SPAG11B: variants seen among roughly 807,000 people sequenced by gnomAD.
The protein encoded by SPAG11B is sperm-associated antigen 11B.
A neutral mutation model predicts 8.9 loss-of-function variants in SPAG11B; 5 were observed. The observed-to-expected ratio is 0.56, with a 90% CI of 0.29 to 1.19. The LOEUF is 1.19. SPAG11B is among the 50% of genes most tolerant of loss of function. The probability of loss-of-function intolerance (pLI) is 0.08; values close to 1 mark genes in which losing one functional copy is unlikely to be tolerated. For synonymous variants in SPAG11B, 12 were observed against 53.0 expected (o/e 0.23, Z 3.36); for missense variants, 38 against 146.4 (o/e 0.26, Z 3.82).
chr8:7,453,690 T>A (rs377382495), intron 2 of SPAG11B, among the ~76,000 whole-genome samples: 1 of 149,686 alleles, frequency 6.7e-6, no homozygotes, highest in East Asian at 2.0e-4. Flanking sequence ...CATCAAGCAG[T>A]GGTCTTGGAC....
chr8:7,451,845 A>T (rs1485456671), intron 2 of SPAG11B, among the ~76,000 whole-genome samples: 1 of 151,584 alleles, frequency 6.6e-6, no homozygotes, highest in African/African-American at 2.4e-5. Flanking sequence ...AAGTTTGAAG[A>T]CCTACTATGA....
intron 2 of SPAG11B, among the ~76,000 whole-genome samples, chr8:7,459,468 G>C (rs867559247): frequency 6.8e-6 from 1 of 147,422 alleles, no homozygotes; most frequent in Non-Finnish European, 1.5e-5. Context: ...CTAATTGAAA[G>C]ACTACTACAC....
chr8:7,449,529 A>G (rs1809996534), downstream of SPAG11B, among the ~76,000 whole-genome samples: 1 of 150,206 alleles, frequency 6.7e-6, no homozygotes, highest in Non-Finnish European at 1.5e-5. Context: ...CTCTAGAGGC[A>G]TGACAGAGAG....
chr8:7,459,754 TGGTGG>T (rs1810670827), intron 2 of SPAG11B, among the ~76,000 whole-genome samples: 1 of 126,178 alleles, frequency 7.9e-6, no homozygotes, highest in East Asian at 3.1e-4. Context: ...ACCAAAGAGA[TGGTGG>T]GACACAGATT....
downstream of SPAG11B, chr8:7,448,019 C>G (rs1314909890): frequency 9.0e-7 from 1 of 1,115,140 alleles, no homozygotes; most frequent in African/African-American, 2.2e-5. Flanking sequence ...CTCTCCTTAT[C>G]CACAGCGTTG....
chr8:7,451,412 C>G (rs1206758051), intron 2 of SPAG11B, among the ~76,000 whole-genome samples: 1 of 128,702 alleles, frequency 7.8e-6, no homozygotes, highest in Non-Finnish European at 1.6e-5. Context: ...ATTTTTATAA[C>G]AACAGGACAT....
chr8:7,453,556 C>A (rs1810318183), intron 2 of SPAG11B, among the ~76,000 whole-genome samples: 2 of 149,012 alleles, frequency 1.3e-5, no homozygotes, highest in South Asian at 2.1e-4. Context: ...GCTTGCAGAG[C>A]CTTGTTATTC....
intron 2 of SPAG11B, among the ~76,000 whole-genome samples, chr8:7,452,984 C>T (rs1810271677): frequency 6.8e-6 from 1 of 147,780 alleles, no homozygotes; most frequent in Non-Finnish European, 1.5e-5. Flanking sequence ...CAACGTACCA[C>T]ATTATTCCAA....
chr8:7,451,103 G>A lies in SPAG11B; in HGVS notation c.215-203C>T, dbSNP rs751118390. 7.1e-6 allele frequency: 11 copies of A among 1,540,114 alleles called. 1 individual carries two copies. Among genetic ancestry groups the A allele is most frequent in the African/African-American group, 1.5e-5 (1 of 67,398 alleles). ...GAAATGTTGCCAGGAGGATGATAGG[G>A]TGTGTTTTATGAATGCTCACCTGGC... On this transcript the variant is annotated intron_variant, in intron 2 of 2. Coordinates refer to ENST00000398462, the MANE Select transcript of SPAG11B (RefSeq NM_058201.4).
chr8:7,451,889 A>T (rs1274721869), intron 2 of SPAG11B, among the ~76,000 whole-genome samples: 6 of 148,242 alleles, frequency 4.0e-5, no homozygotes, highest in Admixed American at 2.0e-4. Context: ...GTAAATTAAC[A>T]CTTTCTCTGG....
At chr8:7,448,786 C>CCCCTTCCCTTCCCTTCCCTT (rs773065371), downstream of SPAG11B, among the ~76,000 whole-genome samples, 21,539 of 117,870 alleles carry the variant, frequency 0.18, 275 homozygotes, top group East Asian at 0.26. Flanking sequence ...CCCCTCTCCT[C>CCCCTTCCCTTCCCTTCCCTT]CCCTTCCCTT....
intron 2 of SPAG11B, among the ~76,000 whole-genome samples, chr8:7,452,645 G>C (rs1332719868): frequency 8.2e-5 from 3 of 36,514 alleles, no homozygotes; most frequent in African/African-American, 3.6e-4. Context: ...CTAGGTGCTA[G>C]AGACATGGTT....
chr8:7,451,417 G>A (rs1484732435), intron 2 of SPAG11B, among the ~76,000 whole-genome samples: 7 of 128,050 alleles, frequency 5.5e-5, no homozygotes, highest in Non-Finnish European at 9.9e-5. Context: ...TATAACAACA[G>A]GACATTGGGC....
At chr8:7,453,471 A>C (rs1458003426) in intron 2 of SPAG11B, among the ~76,000 whole-genome samples, 4 of 147,372 alleles carry the variant, frequency 2.7e-5, no homozygotes, top group African/African-American at 1.0e-4. Flanking sequence ...GCAGAGATGA[A>C]TCCATACCCC....
downstream of SPAG11B, among the ~76,000 whole-genome samples, chr8:7,449,427 A>C: frequency 6.8e-6 from 1 of 146,360 alleles, no homozygotes; most frequent in Non-Finnish European, 1.5e-5. Flanking sequence ...TGAGGCATGC[A>C]CGTTTGCTGC....
At chr8:7,451,680 A>C (rs1810180624) in intron 2 of SPAG11B, among the ~76,000 whole-genome samples, 1 of 127,806 alleles carries the variant, frequency 7.8e-6, no homozygotes, top group African/African-American at 2.9e-5. Context: ...TAGTCAAGAC[A>C]GAAGAGCCCC....
chr8:7,451,422 T>TA (rs1210244380), intron 2 of SPAG11B, among the ~76,000 whole-genome samples: 4 of 127,648 alleles, frequency 3.1e-5, no homozygotes, highest in Non-Finnish European at 5.0e-5. Flanking sequence ...CAACAGGACA[T>TA]TGGGCAAGAG....
intron 2 of SPAG11B, among the ~76,000 whole-genome samples, chr8:7,458,146 ATTAAC>A (rs1810558517): frequency 7.4e-6 from 1 of 135,998 alleles, no homozygotes; most frequent in African/African-American, 2.8e-5. Flanking sequence ...TTTATTATTA[ATTAAC>A]TTGAGCCTAA....
chr8:7,449,916 C>A (rs1328198600), downstream of SPAG11B, among the ~76,000 whole-genome samples: 1 of 135,508 alleles, frequency 7.4e-6, no homozygotes, highest in Non-Finnish European at 1.6e-5. Context: ...TTGGTGTTCA[C>A]TACTATTGGA....
Sources: gnomAD v4.1 joint callset for allele counts (sites outside exome capture counted in the v4.1 genomes callset) on GRCh38, gnomAD v4.1.1 for gene constraint, MANE v1.5 for transcripts, NCBI Gene and HGNC (gene_info 2026-07-23, HGNC 2026-07-21) for gene names.